STRA6: variants seen among roughly 807,000 people sequenced by gnomAD.
STRA6 encodes the protein signaling receptor and transporter of retinol STRA6.
STRA6 carries 48 observed loss-of-function variants against 83.6 expected under a neutral mutation model. The ratio of observed to expected loss-of-function variants is 0.57; its 90% CI spans 0.46 to 0.73. The LOEUF is 0.73. Ranked by LOEUF, STRA6 falls within the 30% of genes least tolerant of loss-of-function variation. The pLI is 0.00. For synonymous variants in STRA6, 353 were observed against 362.3 expected (o/e 0.97, Z 0.29); for missense variants, 760 against 838.8 (o/e 0.91, Z 1.16).
chr15:74,192,939 G>A (rs1463404051), intron 8 of STRA6, among the ~76,000 whole-genome samples: 1 of 152,206 alleles, frequency 6.6e-6, no homozygotes, highest in African/African-American at 2.4e-5. Flanking sequence ...CACACTGGGA[G>A]CTCCTGGAGA....
intron 2 of STRA6, among the ~76,000 whole-genome samples, chr15:74,199,536 C>G (rs954787464): frequency 6.6e-6 from 1 of 152,178 alleles, no homozygotes; most frequent in Non-Finnish European, 1.5e-5. Flanking sequence ...CACCTGGGCC[C>G]GGCAGGGACT....
chr15:74,199,003 A>G (rs563523303), intron 2 of STRA6, among the ~76,000 whole-genome samples: 1 of 152,216 alleles, frequency 6.6e-6, no homozygotes, highest in East Asian at 1.9e-4. Context: ...GTCCCTGGTG[A>G]GCAGTAGAGC....
intron 1 of STRA6, chr15:74,207,828 C>T: frequency 1.3e-6 from 2 of 1,534,432 alleles, no homozygotes; most frequent in Non-Finnish European, 1.7e-6. Flanking sequence ...GCCCTTCGCA[C>T]ACATACGTGC....
intron 14 of STRA6, 26 bp downstream of exon 14, chr15:74,183,830 G>C (rs1240861086): frequency 1.9e-6 from 3 of 1,613,632 alleles, no homozygotes; most frequent in Non-Finnish European, 2.5e-6. Flanking sequence ...GGCCAAGGCT[G>C]GGTGTGGCGG....
At chr15:74,180,368 C>T in intron 18 of STRA6, 125 bp from the exon 19 acceptor site, 2 of 1,215,694 alleles carry the variant, frequency 1.6e-6, no homozygotes, top group East Asian at 4.7e-5. Flanking sequence ...TAGGATGTCC[C>T]CTGCAGGCAG....
At chr15:74,187,748 G>A (rs1198906851) in intron 12 of STRA6, among the ~76,000 whole-genome samples, 2 of 152,132 alleles carry the variant, frequency 1.3e-5, no homozygotes, top group African/African-American at 2.4e-5. Context: ...TGCTCTGTTT[G>A]GCCCAAGAAG....
At chr15:74,205,315 A>G (rs925182486), upstream of STRA6, among the ~76,000 whole-genome samples, 14 of 152,216 alleles carry the variant, frequency 9.2e-5, no homozygotes, top group Non-Finnish European at 1.6e-4. Context: ...ACAGTTCTGC[A>G]GGCTGTGCAG....
chr15:74,206,639 C>T (rs77512210), upstream of STRA6, among the ~76,000 whole-genome samples: 7,932 of 152,160 alleles, frequency 0.052, 257 homozygotes, highest in East Asian at 0.16. Flanking sequence ...GCCTGAGGAG[C>T]GGGGAGGGAA....
At position 74,180,222 on chromosome 15, in the gene STRA6, T is replaced by C. The variant is rs1050447235; in HGVS notation, c.1862A>G (p.Lys621Arg). ...EDEGMQLLQT[K>R]DSMAKGARPG... ...CCTAGCTCCCTTGGCCATGGAGTCC[T>C]TTGTCTGTAGCAGCTGCATCCCTGA... The change falls in exon 19 of 19, where the codon AAG becomes AGG. Residue 621 changes from lysine (K) to arginine (R), a missense_variant. By Grantham distance (26) the Lys-to-Arg change is conservative. Transcript: ENST00000395105. 4.3e-6 allele frequency: 7 copies of C among 1,614,126 alleles called. No individual in the cohort carries two copies. The highest frequency in any genetic ancestry group is 5.9e-6 in the Non-Finnish European group (7 of 1,180,028).
In STRA6 at chr15:74,189,142, C is replaced by A. The variant is rs761261645; in HGVS notation, c.1063G>T (p.Val355Leu). ...SEDKQEVVEL[V>L]KHHLWALEVC... is the part of the protein sequence containing the mutation. Reference sequence around the variant, plus strand: ...TCCAGAGCCCACAGATGGTGCTTCACCAGCTCCACCACCTCCTGCTTGTCC... The same window carrying A: ...TCCAGAGCCCACAGATGGTGCTTCAACAGCTCCACCACCTCCTGCTTGTCC... Residue 355 changes from valine (V) to leucine (L), a missense_variant, in exon 12 of 19, where the codon GTG (valine) becomes TTG (leucine). Coordinates refer to ENST00000395105, the MANE Select transcript of STRA6 (RefSeq NM_022369.4). 6.2e-7 allele frequency: 1 copy of A among 1,614,160 alleles called. No homozygotes were observed. Among genetic ancestry groups the A allele is most frequent in the South Asian group, 1.1e-5 (1 of 91,066 alleles).
In STRA6 at chr15:74,183,900, C is replaced by T; in HGVS notation, c.1256G>A (p.Cys419Tyr). The part of the protein sequence containing the change: ...SPHPSRQAIF[C>Y]WMSFSAYQTA... ...CTGGTAGGCACTGAAGCTCATCCAA[C>T]AGAATATGGCTTGGCGGGAGGGATG... is the stretch of plus-strand genomic sequence containing the variant. The change falls in exon 14 of 19, where the codon TGT (cysteine) becomes TAT (tyrosine). Residue 419 changes from cysteine to tyrosine, a missense_variant. Transcript: ENST00000395105. The T allele has an allele frequency of 6.2e-7, 1 of 1,614,138 alleles. No homozygotes were observed. Among genetic ancestry groups the T allele is most frequent in the Non-Finnish European group, 8.5e-7 (1 of 1,180,032 alleles).
Position 74,197,819 on chromosome 15 carries a change from C to T in STRA6, c.114-1G>A. On this transcript the variant is annotated splice_acceptor_variant, in intron 2 of 18. Transcript: ENST00000395105. LOFTEE classifies it high-confidence loss of function. ...GCTGGTGTGGCAGGAGGGCACTTCCCTGCAGAGCAAATGAAGGCTGGCTCA... is the reference window on the plus strand; with the variant it reads ...GCTGGTGTGGCAGGAGGGCACTTCCTTGCAGAGCAAATGAAGGCTGGCTCA... 6.2e-6 allele frequency: 10 copies of T among 1,612,796 alleles called. No homozygotes were observed. Among genetic ancestry groups the T allele is most frequent in the Non-Finnish European group, 8.5e-6 (10 of 1,179,970 alleles).
chr15:74,184,627 C>G (rs2073153209), intron 13 of STRA6, among the ~76,000 whole-genome samples: 2 of 152,226 alleles, frequency 1.3e-5, no homozygotes, highest in Non-Finnish European at 2.9e-5. Flanking sequence ...CAGTCCTCAC[C>G]TCCTATCTCC....
At chr15:74,186,437 G>A (rs986074826) in intron 12 of STRA6, among the ~76,000 whole-genome samples, 7 of 152,178 alleles carry the variant, frequency 4.6e-5, no homozygotes, top group African/African-American at 9.7e-5. Context: ...GTGAAACTCC[G>A]TCTCTACTAA....
At chr15:74,192,494 TCTCA>T (rs2073596677) in intron 8 of STRA6, among the ~76,000 whole-genome samples, 1 of 152,062 alleles carries the variant, frequency 6.6e-6, no homozygotes, top group Non-Finnish European at 1.5e-5. Context: ...TGCCTAGGGA[TCTCA>T]CTCACTCTCT....
chr15:74,202,644 T>G (rs1034163031), intron 1 of STRA6, 69 bp downstream of exon 1: 16 of 1,420,562 alleles, frequency 1.1e-5, no homozygotes, highest in Admixed American at 2.9e-5. Context: ...TTGTCCAGTC[T>G]GAGCTGCCTA....
intron 4 of STRA6, 82 bp from the exon 5 acceptor site, chr15:74,196,229 C>A (rs551726258): frequency 1.3e-6 from 2 of 1,576,988 alleles, no homozygotes; most frequent in African/African-American, 2.7e-5. Context: ...TTCCATAAAT[C>A]AAGGAGGTGG....
chr15:74,197,591 T>C, intron 3 of STRA6, 161 bp downstream of exon 3: 1 of 1,154,096 alleles, frequency 8.7e-7, no homozygotes. Flanking sequence ...AGGTTGGACT[T>C]GCATCCTGGT....
Position 74,191,166 on chromosome 15 carries a change from C to A in STRA6, c.865+1G>T. On this transcript the variant is annotated splice_donor_variant, in intron 10 of 18. Transcript: ENST00000395105. LOFTEE classifies it high-confidence loss of function. ...CTCGGCCTCAGCTCCCAACCCCATACCTGGCTGTGGAGTGTAGATGCAGTG... is the reference window on the plus strand; with the variant it reads ...CTCGGCCTCAGCTCCCAACCCCATAACTGGCTGTGGAGTGTAGATGCAGTG... 1 of 1,614,020 alleles carries A rather than the reference C, an allele frequency of 6.2e-7. No individual in the cohort carries two copies. The highest frequency in any genetic ancestry group is 8.5e-7 in the Non-Finnish European group (1 of 1,179,970).
Sources: gnomAD v4.1 joint callset for allele counts (sites outside exome capture counted in the v4.1 genomes callset) on GRCh38, gnomAD v4.1.1 for gene constraint, MANE v1.5 for transcripts, NCBI Gene and HGNC (gene_info 2026-07-23, HGNC 2026-07-21) for gene names.